EPC1: variants seen among roughly 807,000 people sequenced by gnomAD.
EPC1 encodes enhancer of polycomb homolog 1.
Under a neutral mutation model 98.4 loss-of-function variants are expected in EPC1, and 12 were observed. That is an observed-to-expected ratio of 0.12 (90% CI 0.08 to 0.20). The LOEUF (loss-of-function observed/expected upper bound fraction) is 0.20, where lower values mean the gene tolerates loss of function less well. Ranked by LOEUF, EPC1 falls within the 10% of genes least tolerant of loss-of-function variation. The pLI, the probability that EPC1 is intolerant of heterozygous loss-of-function variation, is 1.00. For synonymous variants in EPC1, 357 were observed against 363.9 expected, an observed-to-expected ratio of 0.98 and a Z score of 0.21; for missense variants, 729 against 990.5, an observed-to-expected ratio of 0.74 and a Z score of 3.54.
At chr10:32,321,655 C>A (rs1284601473) in intron 1 of EPC1, among the ~76,000 whole-genome samples, 3 of 151,480 alleles carry the variant, frequency 2.0e-5, no homozygotes, top group South Asian at 2.1e-4. Context: ...AAAAAAAAAA[C>A]CGTATCACTA....
intron 10 of EPC1, among the ~76,000 whole-genome samples, chr10:32,278,361 GTTTTTTTTTGT>G (rs1564520408): frequency 1.6e-5 from 2 of 122,632 alleles, no homozygotes; most frequent in Admixed American, 9.4e-5. Context: ...GTATACTTTG[GTTTTTTTTTGT>G]TTTTTTTTTT....
At chr10:32,363,162 C>A (rs1410516323) in intron 1 of EPC1, among the ~76,000 whole-genome samples, 2 of 152,194 alleles carry the variant, frequency 1.3e-5, no homozygotes, top group Non-Finnish European at 2.9e-5. Flanking sequence ...CAACCTTGAC[C>A]TCTGAGGCTC....
chr10:32,300,432 C>T (rs1229232045), intron 2 of EPC1, among the ~76,000 whole-genome samples: 1 of 147,766 alleles, frequency 6.8e-6, no homozygotes, highest in Non-Finnish European at 1.5e-5. Flanking sequence ...ATCAATTCAA[C>T]TCTTTTTTTT....
intron 1 of EPC1, among the ~76,000 whole-genome samples, chr10:32,369,757 T>A (rs75941777): frequency 0.027 from 4,135 of 152,352 alleles, 179 homozygotes; most frequent in African/African-American, 0.093. Flanking sequence ...TAAGTTTATG[T>A]GTATTATTGA....
intron 1 of EPC1, among the ~76,000 whole-genome samples, chr10:32,374,940 T>G (rs1420412295): frequency 1.3e-5 from 2 of 152,126 alleles, no homozygotes; most frequent in Non-Finnish European, 1.5e-5. Flanking sequence ...ATCTTTTTCA[T>G]AAAAATATTT....
intron 1 of EPC1, among the ~76,000 whole-genome samples, chr10:32,328,846 T>C (rs528357555): frequency 2.2e-4 from 33 of 152,192 alleles, no homozygotes; most frequent in Non-Finnish European, 3.8e-4. Flanking sequence ...CAACGTATAT[T>C]GGGTGTGGCA....
intron 1 of EPC1, among the ~76,000 whole-genome samples, chr10:32,361,449 C>T (rs993863798): frequency 4.6e-5 from 7 of 152,016 alleles, no homozygotes; most frequent in Non-Finnish European, 7.4e-5. Context: ...GTAGTAGCGC[C>T]GAAAAGCTAT....
intron 1 of EPC1, among the ~76,000 whole-genome samples, chr10:32,320,043 A>C (rs1218056024): frequency 1.3e-5 from 2 of 152,216 alleles, no homozygotes; most frequent in Non-Finnish European, 2.9e-5. Flanking sequence ...GTTTGGGAAA[A>C]ACATATGTGT....
intron 1 of EPC1, among the ~76,000 whole-genome samples, chr10:32,363,912 C>T (rs1353161434): frequency 2.8e-5 from 4 of 144,256 alleles, no homozygotes; most frequent in African/African-American, 1.0e-4. Context: ...ATTCTCTTTT[C>T]TTAATTCTCA....
At chr10:32,346,737 G>T in intron 1 of EPC1, 26 bp downstream of exon 1, 1 of 1,604,294 alleles carries the variant, frequency 6.2e-7, no homozygotes, top group Non-Finnish European at 8.5e-7. Context: ...CCTGACGGTG[G>T]GTCGGACAGG....
At chr10:32,301,880 T>G (rs1271310804) in intron 2 of EPC1, among the ~76,000 whole-genome samples, 1 of 152,046 alleles carries the variant, frequency 6.6e-6, no homozygotes. Flanking sequence ...CAGGATCCAT[T>G]ACGAGGAAAA....
chr10:32,333,358 C>T (rs1247547417), intron 1 of EPC1, among the ~76,000 whole-genome samples: 1 of 152,040 alleles, frequency 6.6e-6, no homozygotes, highest in Non-Finnish European at 1.5e-5. Flanking sequence ...CAACAAAAAT[C>T]CCCCACAAAA....
At chr10:32,334,306 A>T (rs1837821180) in intron 1 of EPC1, among the ~76,000 whole-genome samples, 1 of 152,216 alleles carries the variant, frequency 6.6e-6, no homozygotes, top group Admixed American at 6.5e-5. Context: ...ACCAGGTAAC[A>T]TATCGCTTTG....
chr10:32,298,391 G>C (rs1031724064), intron 2 of EPC1, among the ~76,000 whole-genome samples: 1 of 152,136 alleles, frequency 6.6e-6, no homozygotes, highest in Admixed American at 6.5e-5. Flanking sequence ...CACACAATGT[G>C]GATTAGGAAC....
At chr10:32,293,797 A>ATC (rs1834985491) in intron 2 of EPC1, 60 bp from the exon 3 acceptor site, 1 of 1,466,570 alleles carries the variant, frequency 6.8e-7, no homozygotes, top group East Asian at 2.3e-5. Context: ...AAAACTCCAC[A>ATC]GATGTCTGCA....
rs532535151 is a variant in EPC1 at position 32,370,528 on chromosome 10, A to G, written c.3+7963T>C. 1.6e-3 allele frequency among the ~76,000 whole-genome samples: 242 copies of G among 152,284 alleles called. 1 individual carries two copies. Among genetic ancestry groups the G allele is most frequent in the African/African-American group, 5.5e-3 (230 of 41,570 alleles). On this transcript the variant is annotated intron_variant, in intron 1 of 13. Transcript: ENST00000375110. ...AAACTTTTTAGGGTAGGGCATAGAC[A>G]TTTTGCTTTTAAGTTTCTGGGTGAT...
chr10:32,368,881 G>A (rs941820309), intron 1 of EPC1, among the ~76,000 whole-genome samples: 1 of 152,158 alleles, frequency 6.6e-6, no homozygotes, highest in East Asian at 1.9e-4. Context: ...AACTCATTGT[G>A]TTCTCTCAAC....
At chr10:32,322,624 T>C (rs916654339) in intron 1 of EPC1, among the ~76,000 whole-genome samples, 18 of 152,358 alleles carry the variant, frequency 1.2e-4, no homozygotes, top group African/African-American at 4.3e-4. Context: ...ATTACATACA[T>C]TGTTTTACTT....
chr10:32,282,094 T>G (rs1179830862), intron 10 of EPC1: 1 of 152,166 alleles, frequency 6.6e-6, no homozygotes, highest in East Asian at 1.9e-4. Flanking sequence ...CTCTGGAATA[T>G]TCACAAATAT....
Sources: allele counts gnomAD v4.1 joint callset (sites outside exome capture counted in the v4.1 genomes callset), GRCh38; gene constraint gnomAD v4.1.1; transcripts MANE v1.5; gene names NCBI Gene and HGNC (gene_info 2026-07-23, HGNC 2026-07-21).